Variants in TRHDE observed in about 807,000 individuals in gnomAD.
TRHDE encodes thyrotropin releasing hormone degrading enzyme.
Under a neutral mutation model 125.7 loss-of-function variants are expected in TRHDE, and 72 were observed. The observed-to-expected ratio is 0.57, with a 90% CI of 0.47 to 0.70. The LOEUF (loss-of-function observed/expected upper bound fraction) is 0.70, where lower values mean the gene tolerates loss of function less well. TRHDE is among the 30% of genes least tolerant of loss of function. TRHDE has a pLI of 0.00. For synonymous variants in TRHDE, 509 were observed against 509.1 expected (o/e 1.00, Z 0.00); for missense variants, 1,110 against 1,327.1 (o/e 0.84, Z 2.54).
chr12:72,446,072 A>T (rs971494695), intron 3 of TRHDE, among the ~76,000 whole-genome samples: 1 of 150,978 alleles, frequency 6.6e-6, no homozygotes, highest in African/African-American at 2.4e-5. Flanking sequence ...TCAAATTTTA[A>T]TTTACATGTG....
At chr12:72,495,351 G>A (rs1046137138) in intron 5 of TRHDE, among the ~76,000 whole-genome samples, 20 of 151,750 alleles carry the variant, frequency 1.3e-4, no homozygotes, top group African/African-American at 1.9e-4. Flanking sequence ...AAGCCATTAC[G>A]CCTGCTACTG....
At chr12:72,166,137 C>G (rs890413653) in intron 2 of TRHDE, among the ~76,000 whole-genome samples, 9 of 152,162 alleles carry the variant, frequency 5.9e-5, no homozygotes, top group African/African-American at 2.2e-4. Context: ...GTACTGAGTA[C>G]TGTAAGCAAT....
chr12:72,245,318 GATAGAT>G (rs1185715512), intron 2 of TRHDE, among the ~76,000 whole-genome samples: 6 of 137,740 alleles, frequency 4.4e-5, no homozygotes, highest in African/African-American at 1.4e-4. Flanking sequence ...TGGATAGGTA[GATAGAT>G]ATAGATATAG....
chr12:72,285,773 C>T (rs923698899), intron 1 of TRHDE, among the ~76,000 whole-genome samples: 5 of 152,082 alleles, frequency 3.3e-5, no homozygotes, highest in African/African-American at 1.2e-4. Context: ...CCTACCTTGG[C>T]CTCTCAAAGT....
chr12:72,342,063 A>G (rs1870109912), intron 2 of TRHDE, among the ~76,000 whole-genome samples: 1 of 151,938 alleles, frequency 6.6e-6, no homozygotes. Flanking sequence ...GACTTTAAAA[A>G]CTCCCAAATT....
At chr12:72,537,671 G>A (rs1407267596) in intron 6 of TRHDE, among the ~76,000 whole-genome samples, 3 of 151,910 alleles carry the variant, frequency 2.0e-5, no homozygotes, top group African/African-American at 4.8e-5. Flanking sequence ...TCCTAATTAC[G>A]TTTTCAATGG....
chr12:72,137,017 G>A (rs992705166), intron 2 of TRHDE, among the ~76,000 whole-genome samples: 1 of 152,146 alleles, frequency 6.6e-6, no homozygotes, highest in Admixed American at 6.5e-5. Flanking sequence ...GCAACATCCC[G>A]GCAATAGCGA....
intron 12 of TRHDE, among the ~76,000 whole-genome samples, chr12:72,596,084 C>T (rs1871926670): frequency 6.6e-6 from 1 of 152,070 alleles, no homozygotes; most frequent in South Asian, 2.1e-4. Flanking sequence ...TCTCAGTTTT[C>T]ATCTTCATTC....
chr12:72,179,342 G>A lies in TRHDE; in HGVS notation n.279+73590G>A, dbSNP rs114960499. Among the ~76,000 whole-genome samples the A allele has an allele frequency of 2.8e-3, 431 of 152,072 alleles. 3 individuals are homozygous for A. The highest frequency in any genetic ancestry group is 9.7e-3 in the African/African-American group (402 of 41,506). ...ATGAGTTTTGTTATAGATTTGTCCCGTTGGGAGAGAAATATCTCCACTGAT... is the reference window on the plus strand; with the variant it reads ...ATGAGTTTTGTTATAGATTTGTCCCATTGGGAGAGAAATATCTCCACTGAT... On this transcript the variant is annotated intron_variant and non_coding_transcript_variant, in intron 2 of 4. Transcript: ENST00000548156.
intron 2 of TRHDE, among the ~76,000 whole-genome samples, chr12:72,200,968 A>G (rs1417152142): frequency 6.6e-6 from 1 of 152,220 alleles, no homozygotes; most frequent in African/African-American, 2.4e-5. Flanking sequence ...GGTCTGGAGT[A>G]GGACAGTGAT....
intron 12 of TRHDE, among the ~76,000 whole-genome samples, chr12:72,592,078 T>C (rs866614439): frequency 3.9e-5 from 6 of 152,166 alleles, no homozygotes; most frequent in Middle Eastern, 3.2e-3. Flanking sequence ...ATTTTTTTCT[T>C]TCCCATTTGC....
Position 72,415,033 on chromosome 12 carries a change from G to T in TRHDE, c.1315+36912G>T, listed in dbSNP as rs148664389. Among the ~76,000 whole-genome samples the T allele has an allele frequency of 4.0e-3, 614 of 152,104 alleles. 4 individuals carry two copies. Among genetic ancestry groups the T allele is most frequent in the African/African-American group, 0.014 (575 of 41,512 alleles). ...GCAGGCACTTCTGTCTTTGACAGGG[G>T]CTCCTACTGTTCGTTGGTTCATGAA... On this transcript the variant is annotated intron_variant, in intron 3 of 18. Transcript: ENST00000261180.
chr12:72,462,832 G>A (rs1876189149), intron 3 of TRHDE, among the ~76,000 whole-genome samples: 1 of 152,062 alleles, frequency 6.6e-6, no homozygotes, highest in African/African-American at 2.4e-5. Flanking sequence ...TTGGCCCCCT[G>A]CCCTACCTGC....
intron 1 of TRHDE, among the ~76,000 whole-genome samples, chr12:72,088,943 A>G (rs1357558188): frequency 1.3e-5 from 2 of 152,114 alleles, no homozygotes; most frequent in African/African-American, 2.4e-5. Flanking sequence ...TCAGACCCAT[A>G]TATCCACCTG....
chr12:72,224,154 GTATGTATGTATGTATCTATCTATC>G lies in TRHDE; in HGVS notation n.279+118406_279+118429del, dbSNP rs1299871835. ...TCTATCTATCTATTTATCTATGTAT[GTATGTATGTATGTATCTATCTATC>G]TATCTATCTATCTATCTATCTATCT... On this transcript the variant is annotated intron_variant and non_coding_transcript_variant, in intron 2 of 4. Transcript: ENST00000548156. 7.9e-3 allele frequency among the ~76,000 whole-genome samples: 297 copies of G among 37,644 alleles called. 1 individual carries two copies. The highest frequency in any genetic ancestry group is 0.025 in the Middle Eastern group (2 of 80). The allele number at this position is 37,644 out of a possible 152,430, so 24.7% of individuals were successfully genotyped here. A position where few individuals can be genotyped will look rare whatever the true frequency, so the allele number is the denominator to read the frequency against.
chr12:72,430,400 CGT>C lies in TRHDE; in HGVS notation c.1316-39357_1316-39356del, dbSNP rs945345419. On this transcript the variant is annotated intron_variant, in intron 3 of 18. Transcript: ENST00000261180. ...ATATACATGTATATATATACACACA[CGT>C]ATATATATGTGCATATATATACATG... Among the ~76,000 whole-genome samples, 4 of 136,892 alleles carry C rather than the reference CGT, an allele frequency of 2.9e-5. No individual in the cohort carries two copies. The Admixed American group carries it at 3.1e-4, about 11-fold the overall frequency. 89.8% of individuals were successfully genotyped at this position (136,892 alleles called of 152,430 possible).
chr12:72,220,634 C>T (rs1186354695), intron 2 of TRHDE, among the ~76,000 whole-genome samples: 2 of 152,122 alleles, frequency 1.3e-5, no homozygotes, highest in Admixed American at 6.6e-5. Context: ...CAAACTCTCA[C>T]TCAAAGGTTA....
chr12:72,309,186 C>A (rs1057047278), intron 2 of TRHDE, among the ~76,000 whole-genome samples: 3 of 151,862 alleles, frequency 2.0e-5, no homozygotes, highest in Non-Finnish European at 4.4e-5. Context: ...AGTTGGTGAG[C>A]CTTTAAAAGT....
chr12:72,224,532 G>C, intron 2 of TRHDE, among the ~76,000 whole-genome samples: 1 of 152,066 alleles, frequency 6.6e-6, no homozygotes, highest in East Asian at 1.9e-4. Context: ...AGAGCATCAG[G>C]TCACATGATT....
Sources: allele counts gnomAD v4.1 joint callset (sites outside exome capture counted in the v4.1 genomes callset), GRCh38; gene constraint gnomAD v4.1.1; transcripts MANE v1.5; gene names NCBI Gene and HGNC (gene_info 2026-07-23, HGNC 2026-07-21).